SLC44A3: variants seen among roughly 807,000 people sequenced by gnomAD.
SLC44A3 encodes the protein choline transporter-like protein 3.
A neutral mutation model predicts 75.4 loss-of-function variants in SLC44A3; 74 were observed. The ratio of observed to expected loss-of-function variants is 0.98; its 90% CI spans 0.81 to 1.19. The LOEUF (loss-of-function observed/expected upper bound fraction) is 1.19, where lower values mean the gene tolerates loss of function less well. Ranked by LOEUF, SLC44A3 falls within the 50% of genes most tolerant of loss-of-function variation. SLC44A3 has a pLI of 0.00. For missense variants in SLC44A3, 700 were observed against 778.6 expected, an observed-to-expected ratio of 0.90 and a Z score of 1.20; for synonymous variants, 310 against 296.9, an observed-to-expected ratio of 1.04 and a Z score of -0.45.
At chr1:94,848,161 G>A (rs570687102) in intron 9 of SLC44A3, among the ~76,000 whole-genome samples, 16 of 151,848 alleles carry the variant, frequency 1.1e-4, no homozygotes, top group South Asian at 6.3e-4. Context: ...CCCGGGAGGC[G>A]GAGGGTGCAG....
chr1:94,864,506 C>G (rs1466357810), intron 10 of SLC44A3, among the ~76,000 whole-genome samples: 2 of 152,154 alleles, frequency 1.3e-5, no homozygotes, highest in Non-Finnish European at 2.9e-5. Context: ...ACTTTTTTAA[C>G]TCATCAATTT....
At chr1:94,849,135 T>C (rs1000039889) in intron 9 of SLC44A3, among the ~76,000 whole-genome samples, 2 of 151,822 alleles carry the variant, frequency 1.3e-5, no homozygotes, top group African/African-American at 4.8e-5. Flanking sequence ...GACCTGGAGG[T>C]TATTCTTCAG....
intron 10 of SLC44A3, among the ~76,000 whole-genome samples, chr1:94,857,976 G>A (rs1253859497): frequency 6.6e-6 from 1 of 151,974 alleles, no homozygotes; most frequent in African/African-American, 2.4e-5. Context: ...ATCACACTCG[G>A]CTGATTTTTG....
In SLC44A3 at chr1:94,886,735, T is replaced by C. The variant is rs529968444; in HGVS notation, c.1483-4395T>C. Among the ~76,000 whole-genome samples, 6 of 152,222 alleles carry C rather than the reference T, an allele frequency of 3.9e-5. No homozygotes were observed. In the South Asian group the frequency reaches 8.3e-4, roughly 21 times the overall value. The stretch of plus-strand genomic sequence containing the variant: ...CTCATTGTGTTCTTCCCCCAGTGCT[T>C]CTCAGCCACTCGGGACAGTCCCAGG... On this transcript the variant is annotated intron_variant, in intron 12 of 14. Coordinates refer to ENST00000271227, the MANE Select transcript of SLC44A3 (RefSeq NM_001114106.3).
intron 12 of SLC44A3, among the ~76,000 whole-genome samples, chr1:94,886,651 A>G (rs770903769): frequency 1.3e-5 from 2 of 151,934 alleles, no homozygotes; most frequent in Non-Finnish European, 2.9e-5. Flanking sequence ...TGGCCCTCAC[A>G]TGTGCACTTG....
At chr1:94,868,760 A>G (rs922984664) in intron 12 of SLC44A3, among the ~76,000 whole-genome samples, 3 of 152,274 alleles carry the variant, frequency 2.0e-5, no homozygotes, top group Admixed American at 6.5e-5. Context: ...GAATGGGACC[A>G]TTGATATACA....
chr1:94,826,333 G>A (rs576811644), intron 3 of SLC44A3, among the ~76,000 whole-genome samples: 13 of 152,300 alleles, frequency 8.5e-5, no homozygotes, highest in Middle Eastern at 3.4e-3. Flanking sequence ...CAACGTGAAT[G>A]TACTAATGTC....
intron 12 of SLC44A3, among the ~76,000 whole-genome samples, chr1:94,869,031 C>A (rs1221097610): frequency 6.6e-6 from 1 of 152,236 alleles, no homozygotes. Context: ...TGAGCAGCTC[C>A]ACTTTATGTG....
intron 8 of SLC44A3, 128 bp from the exon 9 acceptor site, chr1:94,845,150 C>A: frequency 2.0e-6 from 2 of 984,356 alleles, no homozygotes; most frequent in Non-Finnish European, 2.9e-6. Flanking sequence ...AAAATTATAA[C>A]AAAGTAGTGA....
intron 9 of SLC44A3, among the ~76,000 whole-genome samples, chr1:94,854,591 C>T (rs939976028): frequency 6.6e-6 from 1 of 152,222 alleles, no homozygotes; most frequent in African/African-American, 2.4e-5. Context: ...GTCATGTGTG[C>T]CTAAGCACGT....
intron 12 of SLC44A3, among the ~76,000 whole-genome samples, chr1:94,875,875 G>A (rs1668230069): frequency 6.6e-6 from 1 of 152,208 alleles, no homozygotes; most frequent in South Asian, 2.1e-4. Flanking sequence ...GTCATGACAT[G>A]TTCTAGGTAC....
At chr1:94,892,203 A>G in intron 13 of SLC44A3, 78 bp from the exon 14 acceptor site, 1 of 1,318,712 alleles carries the variant, frequency 7.6e-7, no homozygotes, top group Non-Finnish European at 1.1e-6. Context: ...AACGTATATT[A>G]AACCATTACT....
At chr1:94,857,250 A>T in intron 9 of SLC44A3, 85 bp from the exon 10 acceptor site, 1 of 1,377,976 alleles carries the variant, frequency 7.3e-7, no homozygotes, top group Non-Finnish European at 9.7e-7. Context: ...GCCAAAGGCC[A>T]AGCATAAAGA....
rs188679162 is a variant in SLC44A3, at chr1:94,869,454, T to C, written c.1482+2037T>C. On this transcript the variant is annotated intron_variant, in intron 12 of 14. Transcript: ENST00000271227. The stretch of plus-strand genomic sequence containing the variant: ...ATCATGGTGCCTGTGCACTAGGCTG[T>C]GGCTAAACCTGCTTTGTAGTGTCTT... 2.1e-4 allele frequency among the ~76,000 whole-genome samples: 32 copies of C among 152,322 alleles called. 1 individual carries two copies. Among genetic ancestry groups the C allele is most frequent in the East Asian group, 1.5e-3 (8 of 5,184 alleles).
intron 9 of SLC44A3, among the ~76,000 whole-genome samples, chr1:94,853,606 A>G (rs1043903731): frequency 6.6e-6 from 1 of 152,140 alleles, no homozygotes; most frequent in East Asian, 1.9e-4. Flanking sequence ...GTTCTGGGAG[A>G]GGACTCAGAT....
chr1:94,847,379 G>A (rs147871308), intron 9 of SLC44A3, among the ~76,000 whole-genome samples: 55 of 152,302 alleles, frequency 3.6e-4, no homozygotes, highest in African/African-American at 1.1e-3. Flanking sequence ...GGAGGAAAGC[G>A]AGCATGCCCC....
chr1:94,849,715 G>T (rs1445933390), intron 9 of SLC44A3, among the ~76,000 whole-genome samples: 1 of 152,168 alleles, frequency 6.6e-6, no homozygotes, highest in Admixed American at 6.5e-5. Flanking sequence ...TTGTGTGTGG[G>T]CGTCCTCAGT....
At chr1:94,858,840 C>T (rs1320292947) in intron 10 of SLC44A3, among the ~76,000 whole-genome samples, 1 of 152,120 alleles carries the variant, frequency 6.6e-6, no homozygotes, top group Admixed American at 6.5e-5. Flanking sequence ...TACAGGCGCC[C>T]ACCACCACGC....
At chr1:94,880,301 A>G (rs1327467859) in intron 12 of SLC44A3, among the ~76,000 whole-genome samples, 2 of 152,244 alleles carry the variant, frequency 1.3e-5, no homozygotes, top group African/African-American at 4.8e-5. Flanking sequence ...TGGATAAAGA[A>G]AATGTGATAT....
Sources: gnomAD v4.1 joint callset for allele counts (sites outside exome capture counted in the v4.1 genomes callset) on GRCh38, gnomAD v4.1.1 for gene constraint, MANE v1.5 for transcripts, NCBI Gene and HGNC (gene_info 2026-07-23, HGNC 2026-07-21) for gene names.